Variants in ITSN1 observed in about 807,000 individuals in gnomAD.
ITSN1 encodes intersectin 1, also known as intersectin-1.
ITSN1 carries 58 observed loss-of-function variants against 239.8 expected under a neutral mutation model. That is an observed-to-expected ratio of 0.24 (90% CI 0.20 to 0.30). ITSN1 has a LOEUF of 0.30. ITSN1 is among the 10% of genes least tolerant of loss of function. The pLI, the probability that ITSN1 is intolerant of heterozygous loss-of-function variation, is 1.00. For missense variants in ITSN1, 1,558 were observed against 2,103.3 expected (o/e 0.74, Z 5.07); for synonymous variants, 780 against 770.8 (o/e 1.01, Z -0.20).
intron 4 of ITSN1, among the ~76,000 whole-genome samples, chr21:33,723,172 C>G (rs968428681): frequency 6.6e-6 from 1 of 152,132 alleles, no homozygotes; most frequent in African/African-American, 2.4e-5. Context: ...AAAAGGGTGG[C>G]AAATACAGTT....
At chr21:33,693,665 C>T (rs1285280589) in intron 1 of ITSN1, among the ~76,000 whole-genome samples, 1 of 152,218 alleles carries the variant, frequency 6.6e-6, no homozygotes, top group African/African-American at 2.4e-5. Flanking sequence ...CCCCTTCTTG[C>T]TATGTTTTAG....
chr21:33,872,342 G>A (rs899074189), intron 33 of ITSN1, among the ~76,000 whole-genome samples: 1 of 152,168 alleles, frequency 6.6e-6, no homozygotes, highest in Non-Finnish European at 1.5e-5. Flanking sequence ...CTATTTAGAC[G>A]CATTGTGCTC....
At chr21:33,818,170 T>C in intron 22 of ITSN1, 97 bp from the exon 23 acceptor site, 1 of 955,302 alleles carries the variant, frequency 1.0e-6, no homozygotes, top group South Asian at 1.5e-5. Context: ...TGTGCTTGTC[T>C]GGCCTGTGCT....
At chr21:33,826,709 G>A in intron 25 of ITSN1, 109 bp from the exon 26 acceptor site, 1 of 912,954 alleles carries the variant, frequency 1.1e-6, no homozygotes, top group Non-Finnish European at 1.8e-6. Flanking sequence ...TTCCCAGAAT[G>A]AAAAGTGGGG....
intron 20 of ITSN1, among the ~76,000 whole-genome samples, chr21:33,803,742 A>G (rs1350567577): frequency 6.6e-6 from 1 of 152,156 alleles, no homozygotes; most frequent in Non-Finnish European, 1.5e-5. Context: ...TGTAATTTTT[A>G]ATAAAACAAA....
At position 33,651,013 on chromosome 21, in the gene ITSN1, A is replaced by T. The variant is rs78582932; in HGVS notation, c.-33+8300A>T. On this transcript the variant is annotated intron_variant, in intron 1 of 39. Coordinates refer to ENST00000381318, the MANE Select transcript of ITSN1 (RefSeq NM_003024.3). ...GGGTTACCAGGATGTTAGCTCCATG[A>T]GGGCAGGGAGTGTATCGCTGTTGTC... Among the ~76,000 whole-genome samples the T allele has an allele frequency of 2.7e-4, 41 of 152,370 alleles. 1 individual carries two copies. The East Asian group carries it at 7.1e-3, about 27-fold the overall frequency.
At chr21:33,775,260 A>C in intron 14 of ITSN1, 152 bp downstream of exon 14, 1 of 747,736 alleles carries the variant, frequency 1.3e-6, no homozygotes, top group Non-Finnish European at 2.1e-6. Context: ...TCCTTGTGTG[A>C]AAAGTAGCCT....
chr21:33,804,721 G>A (rs1461066937), intron 20 of ITSN1, among the ~76,000 whole-genome samples: 1 of 152,156 alleles, frequency 6.6e-6, no homozygotes, highest in East Asian at 1.9e-4. Flanking sequence ...CTGCTGTTTT[G>A]TTGAAGTTTA....
rs951114608 is a variant in ITSN1 at position 33,775,163 on chromosome 21, A to G, written c.1596+55A>G. On this transcript the variant is annotated intron_variant, in intron 14 of 39. Transcript: ENST00000381318. ...ATATTAAACTGGCATCCTTTTCTCTAATTCATTTCATTTACTTACTTATTC... is the reference window on the plus strand; with the variant it reads ...ATATTAAACTGGCATCCTTTTCTCTGATTCATTTCATTTACTTACTTATTC... 1.9e-6 allele frequency: 3 copies of G among 1,545,678 alleles called. No individual in the cohort carries two copies. In the Admixed American group the frequency reaches 5.6e-5, roughly 29 times the overall value.
At chr21:33,646,685 A>T (rs1236089798) in intron 1 of ITSN1, among the ~76,000 whole-genome samples, 1 of 152,222 alleles carries the variant, frequency 6.6e-6, no homozygotes, top group African/African-American at 2.4e-5. Context: ...TGCTTACCTA[A>T]GTTTTTGAGA....
rs1194570732 is a variant in ITSN1 at position 33,865,920 on chromosome 21, C to A, written c.4074+586C>A. Among the ~76,000 whole-genome samples the A allele has an allele frequency of 1.3e-5, 2 of 152,202 alleles. No individual in the cohort carries two copies. On this transcript the variant is annotated intron_variant, in intron 32 of 39. Coordinates refer to ENST00000381318, the MANE Select transcript of ITSN1 (RefSeq NM_003024.3). This position sits in a 1 kb window ranked among gnomAD's most constrained non-coding sequence, Gnocchi z 4.4. ...AATGCGGATACTGCTGGAAGACCTG[C>A]AGCTCTGGGACTTGGCCTTGGCCAG... is the stretch of plus-strand genomic sequence containing the variant.
chr21:33,877,968 A>G (rs2148542753), intron 34 of ITSN1, among the ~76,000 whole-genome samples: 1 of 147,184 alleles, frequency 6.8e-6, no homozygotes, highest in South Asian at 2.2e-4. Context: ...TTCCAGCAAC[A>G]GAAGTCTCTC....
At chr21:33,879,309 C>A (rs986524149) in intron 34 of ITSN1, among the ~76,000 whole-genome samples, 1 of 152,060 alleles carries the variant, frequency 6.6e-6, no homozygotes, top group Non-Finnish European at 1.5e-5. Context: ...CATGATCGCA[C>A]CACTATACTC....
At chr21:33,805,305 T>A (rs1693863371) in intron 20 of ITSN1, among the ~76,000 whole-genome samples, 2 of 152,244 alleles carry the variant, frequency 1.3e-5, no homozygotes, top group African/African-American at 4.8e-5. Context: ...GTCTTAGTGT[T>A]ACTCTTATAA....
At chr21:33,661,146 T>C (rs1041704756) in intron 1 of ITSN1, among the ~76,000 whole-genome samples, 1 of 152,204 alleles carries the variant, frequency 6.6e-6, no homozygotes, top group Non-Finnish European at 1.5e-5. Context: ...AGCATCAGGC[T>C]TGCTTTATTT....
In ITSN1 at chr21:33,875,515, G is replaced by T; in HGVS notation, c.4335G>T (p.Leu1445=). 6.2e-7 allele frequency: 1 copy of T among 1,613,472 alleles called. No individual in the cohort carries two copies. Among genetic ancestry groups the T allele is most frequent in the Non-Finnish European group, 8.5e-7 (1 of 1,179,528 alleles). The part of the protein sequence containing the change: ...WIQAHVQCEG[L]SEQLVFNSVT... ...AGGCCCACGTGCAGTGTGAAGGCCT[G>T]TCTGAGGTAGCCAACCTTGGGGCTG... is the stretch of plus-strand genomic sequence containing the variant. The change falls in exon 34 of 40, where the codon CTG becomes CTT. Residue 1445 remains leucine (L), a synonymous_variant. Transcript: ENST00000381318.
rs374245664 is a variant in ITSN1, at chr21:33,799,861, C to T, written c.2236C>T (p.Arg746Trp). 6 of 1,613,606 alleles carry T rather than the reference C, an allele frequency of 3.7e-6. No individual in the cohort carries two copies. In the African/African-American group the frequency reaches 4.0e-5, roughly 11 times the overall value. ...AQENVKVVYY[R>W]ALYPFESRSH... is the part of the protein sequence containing the mutation. The stretch of plus-strand genomic sequence containing the variant: ...GGAAAATGTAAAAGTGGTGTATTAC[C>T]GGGCACTGTACCCCTTTGAATCCAG... The change falls in exon 19 of 40, where the codon CGG (arginine) becomes TGG (tryptophan). Residue 746 changes from arginine to tryptophan, a missense_variant. Transcript: ENST00000381318.
chr21:33,710,241 G>A (rs2092376096), intron 1 of ITSN1, among the ~76,000 whole-genome samples: 1 of 151,922 alleles, frequency 6.6e-6, no homozygotes, highest in African/African-American at 2.4e-5. Context: ...ACCACGCCTG[G>A]CTAATTTTTT....
chr21:33,836,696 T>G, intron 29 of ITSN1, 64 bp downstream of exon 29: 2 of 1,285,608 alleles, frequency 1.6e-6, no homozygotes, highest in Admixed American at 1.9e-5. Flanking sequence ...CATGCAGCAT[T>G]GCTCTGATTC....
Sources: gnomAD v4.1 joint callset for allele counts (sites outside exome capture counted in the v4.1 genomes callset) on GRCh38, gnomAD v4.1.1 for gene constraint, Gnocchi (gnomAD v3.1) non-coding constraint, MANE v1.5 for transcripts, NCBI Gene and HGNC (gene_info 2026-07-23, HGNC 2026-07-21) for gene names.